The following USP12 variants were observed in gnomAD, a reference collection of about 807,000 sequenced individuals.
The protein encoded by USP12 is ubiquitin carboxyl-terminal hydrolase 12.
USP12 carries 19 observed loss-of-function variants against 45.5 expected under a neutral mutation model. The ratio of observed to expected loss-of-function variants is 0.42; its 90% CI spans 0.29 to 0.61. USP12 has a LOEUF of 0.61. Among genes scored for constraint, USP12 ranks in the 20% least tolerant of loss-of-function variants. The pLI, the probability that USP12 is intolerant of heterozygous loss-of-function variation, is 0.22. For missense variants in USP12, 242 were observed against 447.7 expected (o/e 0.54, Z 4.15); for synonymous variants, 149 against 148.8 (o/e 1.00, Z -0.01).
chr13:27,081,379 C>A (rs1873751014), intron 6 of USP12, among the ~76,000 whole-genome samples: 1 of 152,192 alleles, frequency 6.6e-6, no homozygotes, highest in South Asian at 2.1e-4. Context: ...CCATAAGAAG[C>A]AACTTCTCAT....
chr13:27,119,084 C>CT (rs1344390925), intron 1 of USP12, among the ~76,000 whole-genome samples: 15 of 152,152 alleles, frequency 9.9e-5, no homozygotes, highest in African/African-American at 3.4e-4. Context: ...CAGCTGGTGG[C>CT]GCCTGGCACA....
intron 1 of USP12, among the ~76,000 whole-genome samples, chr13:27,160,508 A>G (rs547432629): frequency 3.4e-4 from 52 of 151,974 alleles, no homozygotes; most frequent in African/African-American, 1.2e-3. Flanking sequence ...AAAAAAAAAA[A>G]TGCAACACCA....
chr13:27,123,462 A>G (rs1876090785), intron 1 of USP12, among the ~76,000 whole-genome samples: 1 of 152,254 alleles, frequency 6.6e-6, no homozygotes, highest in Non-Finnish European at 1.5e-5. Context: ...ATCCTCAACA[A>G]TAGCCATCCA....
chr13:27,085,480 C>T (rs1029275924), intron 6 of USP12, among the ~76,000 whole-genome samples: 2 of 152,180 alleles, frequency 1.3e-5, no homozygotes, highest in African/African-American at 2.4e-5. Flanking sequence ...CGCATCTGGC[C>T]GTCAAATTGA....
chr13:27,115,156 G>T (rs1021112861), intron 2 of USP12, among the ~76,000 whole-genome samples: 47 of 152,120 alleles, frequency 3.1e-4, no homozygotes, highest in African/African-American at 1.1e-3. Flanking sequence ...AATCTCTCCA[G>T]GGGATAAAGA....
intron 1 of USP12, among the ~76,000 whole-genome samples, chr13:27,157,526 C>A (rs1016975140): frequency 1.3e-5 from 2 of 151,926 alleles, no homozygotes; most frequent in Admixed American, 6.6e-5. Context: ...CATATACATG[C>A]CTTTTTTTAA....
intron 2 of USP12, among the ~76,000 whole-genome samples, chr13:27,114,769 T>TA (rs11366017): frequency 0.048 from 6,915 of 142,682 alleles, 385 homozygotes; most frequent in African/African-American, 0.14. Context: ...TCTCCATTTT[T>TA]AAAAAAAAAA....
chr13:27,108,650 T>C (rs990841536), intron 2 of USP12, among the ~76,000 whole-genome samples: 1 of 151,976 alleles, frequency 6.6e-6, no homozygotes, highest in Non-Finnish European at 1.5e-5. Flanking sequence ...TATACAAAAA[T>C]TCATAAATTT....
In USP12 at chr13:27,086,174, TAAAAAAAAA is replaced by T. The variant is rs138475761; in HGVS notation, c.734+3700_734+3708del. On this transcript the variant is annotated intron_variant, in intron 6 of 8. Coordinates refer to ENST00000282344, the MANE Select transcript of USP12 (RefSeq NM_182488.4). ...GACAGAGAGAGATCTTTTGTCTCTT[TAAAAAAAAA>T]AAAAAAAAAAAAAAATATATATATA... Among the ~76,000 whole-genome samples the T allele has an allele frequency of 2.4e-3, 173 of 72,338 alleles. 4 individuals carry two copies. Among genetic ancestry groups the T allele is most frequent in the South Asian group, 4.1e-3 (7 of 1,708 alleles). The allele number at this position is 72,338 out of a possible 152,430, so 47.5% of individuals were successfully genotyped here.
chr13:27,139,945 C>T (rs1003192479), intron 1 of USP12, among the ~76,000 whole-genome samples: 2 of 152,178 alleles, frequency 1.3e-5, no homozygotes, highest in African/African-American at 2.4e-5. Flanking sequence ...GATGTTCTAA[C>T]ATACTTGTTT....
At chr13:27,069,685 C>T (rs1373452200) in intron 8 of USP12, among the ~76,000 whole-genome samples, 4 of 152,230 alleles carry the variant, frequency 2.6e-5, no homozygotes, top group Non-Finnish European at 4.4e-5. Flanking sequence ...CACTGACTCA[C>T]GCCTGTAATC....
chr13:27,167,107 CA>C (rs1878380415), intron 1 of USP12, among the ~76,000 whole-genome samples: 1 of 151,992 alleles, frequency 6.6e-6, no homozygotes, highest in African/African-American at 2.4e-5. Flanking sequence ...ACTAAAAATA[CA>C]AAAATTAGCT....
intron 6 of USP12, among the ~76,000 whole-genome samples, chr13:27,084,628 A>C (rs1873928040): frequency 6.6e-6 from 1 of 152,090 alleles, no homozygotes; most frequent in South Asian, 2.1e-4. Flanking sequence ...TTTTCCCAAA[A>C]CCATTTGCTA....
intron 1 of USP12, among the ~76,000 whole-genome samples, chr13:27,153,030 C>T (rs1190580666): frequency 6.7e-6 from 1 of 149,858 alleles, no homozygotes; most frequent in Non-Finnish European, 1.5e-5. Flanking sequence ...TTACATTCAA[C>T]ATTTAAAGCT....
chr13:27,130,304 G>C (rs1483720898), intron 1 of USP12, among the ~76,000 whole-genome samples: 1 of 152,086 alleles, frequency 6.6e-6, no homozygotes, highest in East Asian at 1.9e-4. Flanking sequence ...GGGGGATGGG[G>C]ATCCAGACAT....
chr13:27,153,632 C>T (rs771064514), intron 1 of USP12, among the ~76,000 whole-genome samples: 1 of 152,060 alleles, frequency 6.6e-6, no homozygotes, highest in Non-Finnish European at 1.5e-5. Flanking sequence ...CACAAGTCAC[C>T]CTCATGGAGC....
At chr13:27,158,400 C>T (rs1047048918) in intron 1 of USP12, among the ~76,000 whole-genome samples, 3 of 152,258 alleles carry the variant, frequency 2.0e-5, no homozygotes, top group East Asian at 1.9e-4. Flanking sequence ...ATTGTTAGGA[C>T]GATAAATTTC....
intron 1 of USP12, among the ~76,000 whole-genome samples, chr13:27,137,386 G>A (rs1189284012): frequency 6.6e-6 from 1 of 152,096 alleles, no homozygotes; most frequent in Non-Finnish European, 1.5e-5. Flanking sequence ...TCTATTAAGT[G>A]GGGATATTAG....
At chr13:27,094,420 G>A (rs889876145) in intron 4 of USP12, among the ~76,000 whole-genome samples, 6 of 152,154 alleles carry the variant, frequency 3.9e-5, no homozygotes, top group African/African-American at 1.4e-4. Flanking sequence ...AGGATCACTT[G>A]AGCCCAGGAG....
Sources: allele counts gnomAD v4.1 joint callset (sites outside exome capture counted in the v4.1 genomes callset), GRCh38; gene constraint gnomAD v4.1.1; transcripts MANE v1.5; gene names NCBI Gene and HGNC (gene_info 2026-07-23, HGNC 2026-07-21).